Variants in P2RX5 observed in about 807,000 individuals in gnomAD.
P2RX5 encodes purinergic receptor P2X 5.
Under a neutral mutation model 54.1 loss-of-function variants are expected in P2RX5, and 46 were observed. The observed-to-expected ratio is 0.85, with a 90% CI of 0.67 to 1.09. The LOEUF is 1.09. Among genes scored for constraint, P2RX5 ranks in the 50% least tolerant of loss-of-function variants. P2RX5 has a pLI of 0.00. For missense variants in P2RX5, 566 were observed against 549.8 expected, an observed-to-expected ratio of 1.03 and a Z score of -0.29; for synonymous variants, 226 against 226.4, an observed-to-expected ratio of 1.00 and a Z score of 0.02.
chr17:3,680,765 A>T (rs71360961), intron 10 of P2RX5, among the ~76,000 whole-genome samples: 4 of 40,626 alleles, frequency 9.8e-5, no homozygotes, highest in African/African-American at 2.5e-4. Context: ...TCCACCCTGC[A>T]TCCTCCACCC....
At chr17:3,718,671 T>C in the P2RX5 span, among the ~76,000 whole-genome samples, 1 of 152,218 alleles carries the variant, frequency 6.6e-6, no homozygotes, top group South Asian at 2.1e-4. Flanking sequence ...ATCCATGCTA[T>C]AGAAATAAAA....
the P2RX5 span, among the ~76,000 whole-genome samples, chr17:3,720,868 C>G: frequency 1.8e-4 from 27 of 152,294 alleles, no homozygotes; most frequent in African/African-American, 6.5e-4. Context: ...CAGGCGTGAG[C>G]TGCCGCGCCT....
At chr17:3,702,510 T>TC in the P2RX5 span, among the ~76,000 whole-genome samples, 1 of 152,154 alleles carries the variant, frequency 6.6e-6, no homozygotes, top group African/African-American at 2.4e-5. Flanking sequence ...TTTTGTTCTT[T>TC]CCCTCTTCAC....
the P2RX5 span, among the ~76,000 whole-genome samples, chr17:3,719,450 T>G: frequency 1.3e-5 from 2 of 152,040 alleles, no homozygotes; most frequent in African/African-American, 4.8e-5. Flanking sequence ...AGCTCACAGA[T>G]AGATCACCTC....
At chr17:3,700,043 T>C (rs1333402439), upstream of P2RX5, among the ~76,000 whole-genome samples, 1 of 152,110 alleles carries the variant, frequency 6.6e-6, no homozygotes, top group African/African-American at 2.4e-5. Context: ...ACATATGGCA[T>C]TGTGATGTGG....
chr17:3,707,650 C>T, the P2RX5 span, among the ~76,000 whole-genome samples: 2 of 152,038 alleles, frequency 1.3e-5, no homozygotes, highest in Non-Finnish European at 2.9e-5. Context: ...CTAGTCCAGA[C>T]CCCCCTCTCG....
upstream of P2RX5, among the ~76,000 whole-genome samples, chr17:3,699,932 AAG>A (rs1242812552): frequency 3.7e-5 from 4 of 107,240 alleles, no homozygotes; most frequent in Admixed American, 1.7e-4. Flanking sequence ...GAAAGAAAGA[AAG>A]AAAGAAAGAA....
rs372116711 is a variant in P2RX5, at chr17:3,689,019, C to T, written c.754-260G>A. Among the ~76,000 whole-genome samples, 76 of 152,372 alleles carry T rather than the reference C, an allele frequency of 5.0e-4. No individual in the cohort carries two copies. In the East Asian group the frequency reaches 0.013, roughly 26 times the overall value. ...TAGGCCTCTCTGGACAGGCACTTCA[C>T]ACTCCAGCCAGCATGTGCCAAAGGG... On this transcript the variant is annotated intron_variant, in intron 7 of 11. Coordinates refer to ENST00000225328, the MANE Select transcript of P2RX5 (RefSeq NM_002561.4).
chr17:3,691,845 G>A (rs1157201641), intron 1 of P2RX5, 51 bp from the exon 2 acceptor site: 2 of 1,607,736 alleles, frequency 1.2e-6, no homozygotes, highest in Non-Finnish European at 8.5e-7. Context: ...CTGGCTTCGG[G>A]GAGCTTCCCC....
Position 3,690,641 on chromosome 17 carries a change from C to A in P2RX5, c.400G>T (p.Asp134Tyr), listed in dbSNP as rs369632150. 2 of 1,613,444 alleles carry A rather than the reference C, an allele frequency of 1.2e-6. No individual in the cohort carries two copies. Among genetic ancestry groups the A allele is most frequent in the Admixed American group, 3.3e-5 (2 of 60,024 alleles). Residue 134 changes from aspartate (D) to tyrosine (Y), a missense_variant, in exon 4 of 12, where the codon GAC becomes TAC. Transcript: ENST00000225328. ...IPDGACSKDS[D>Y]CHAGEAVTAG... ...GTAACCGCTTCCCCAGCGTGGCAGT[C>A]GCTGTCCTTGGAGCACGCGCCATCA...
chr17:3,715,082 C>G, the P2RX5 span: 2 of 614,818 alleles, frequency 3.3e-6, no homozygotes, highest in Admixed American at 2.8e-5. Flanking sequence ...CTAACTTACT[C>G]TGAATCTCTC....
chr17:3,688,503 C>T, intron 8 of P2RX5, 123 bp downstream of exon 8: 4 of 1,066,386 alleles, frequency 3.8e-6, no homozygotes, highest in Non-Finnish European at 2.9e-6. Flanking sequence ...CCTGGGCCAT[C>T]TGTCCCTGCA....
In P2RX5 at chr17:3,690,647, C is replaced by T. The variant is rs2050587466; in HGVS notation, c.394G>A (p.Asp132Asn). 1 of 1,613,420 alleles carries T rather than the reference C, an allele frequency of 6.2e-7. No homozygotes were observed. The highest frequency in any genetic ancestry group is 1.1e-5 in the South Asian group (1 of 91,086). Residue 132 changes from aspartate to asparagine, a missense_variant, in exon 4 of 12, where the codon GAC (aspartate) becomes AAC (asparagine). Asp to Asn is a conservative substitution (Grantham distance 23). Coordinates refer to ENST00000225328, the MANE Select transcript of P2RX5 (RefSeq NM_002561.4). ...EGIPDGACSK[D>N]SDCHAGEAVT... is the part of the protein sequence containing the mutation. ...GCTTCCCCAGCGTGGCAGTCGCTGT[C>T]CTTGGAGCACGCGCCATCAGGAATG...
At chr17:3,684,387 T>G (rs2050374581) in intron 9 of P2RX5, among the ~76,000 whole-genome samples, 1 of 152,268 alleles carries the variant, frequency 6.6e-6, no homozygotes, top group Non-Finnish European at 1.5e-5. Flanking sequence ...GAGGATTGCC[T>G]GAGCCCAGGG....
chr17:3,674,182 G>C (rs909389609), intron 11 of P2RX5, among the ~76,000 whole-genome samples: 6 of 152,138 alleles, frequency 3.9e-5, no homozygotes, highest in Non-Finnish European at 7.3e-5. Context: ...GGCGAGGCGA[G>C]CGCCTGTAGT....
chr17:3,694,156 G>C (rs1442086689), intron 1 of P2RX5, among the ~76,000 whole-genome samples: 3 of 148,314 alleles, frequency 2.0e-5, no homozygotes, highest in Non-Finnish European at 4.4e-5. Context: ...ATCAGCCACA[G>C]AGAGGAATGG....
At chr17:3,723,784 A>C in the P2RX5 span, 1 of 1,600,418 alleles carries the variant, frequency 6.2e-7, no homozygotes, top group African/African-American at 1.3e-5. Flanking sequence ...TGAACAAACC[A>C]AGCCGCCAGT....
At chr17:3,698,625 CCT>C (rs2050795872), upstream of P2RX5, among the ~76,000 whole-genome samples, 1 of 152,164 alleles carries the variant, frequency 6.6e-6, no homozygotes, top group Admixed American at 6.5e-5. Context: ...CCCTCCATGT[CCT>C]GTCTTAACTG....
chr17:3,711,211 A>G, the P2RX5 span, among the ~76,000 whole-genome samples: 1 of 152,134 alleles, frequency 6.6e-6, no homozygotes, highest in Admixed American at 6.6e-5. Flanking sequence ...TAGTGAGTGC[A>G]GATTCGAATA....
Sources: allele counts gnomAD v4.1 joint callset (sites outside exome capture counted in the v4.1 genomes callset), GRCh38; gene constraint gnomAD v4.1.1; transcripts MANE v1.5; gene names NCBI Gene and HGNC (gene_info 2026-07-23, HGNC 2026-07-21).